Variants in NAALADL2 observed in about 807,000 individuals in gnomAD.
NAALADL2 encodes the protein N-acetylated alpha-linked acidic dipeptidase like 2.
NAALADL2 carries 76 observed loss-of-function variants against 87.2 expected under a neutral mutation model. That is an observed-to-expected ratio of 0.87 (90% confidence interval 0.72 to 1.05). The LOEUF (loss-of-function observed/expected upper bound fraction) is 1.05, where lower values mean the gene tolerates loss of function less well. Ranked by LOEUF, NAALADL2 falls within the 50% of genes least tolerant of loss-of-function variation. NAALADL2 has a pLI of 0.00. For synonymous variants in NAALADL2, 354 were observed against 331.0 expected (o/e 1.07, Z -0.75); for missense variants, 1,089 against 945.8 (o/e 1.15, Z -1.99).
At chr3:175,115,181 C>T (rs1351824981) in intron 2 of NAALADL2, 1 of 151,430 alleles carries the variant, frequency 6.6e-6, no homozygotes, top group Admixed American at 6.6e-5. Context: ...TTAAAATTAC[C>T]TCTGACTCCT....
chr3:175,617,406 A>G (rs917383117), intron 10 of NAALADL2, among the ~76,000 whole-genome samples: 7 of 152,046 alleles, frequency 4.6e-5, no homozygotes, highest in African/African-American at 1.7e-4. Flanking sequence ...GTATCTCGGG[A>G]ACAGTCCACC....
chr3:175,347,848 C>T (rs1439304539), intron 5 of NAALADL2, among the ~76,000 whole-genome samples: 1 of 152,076 alleles, frequency 6.6e-6, no homozygotes, highest in East Asian at 1.9e-4. Flanking sequence ...AACCTGTTAT[C>T]TACATTAGGT....
At chr3:174,851,693 A>G (rs1196818869) in intron 3 of NAALADL2, among the ~76,000 whole-genome samples, 1 of 152,216 alleles carries the variant, frequency 6.6e-6, no homozygotes, top group East Asian at 1.9e-4. Flanking sequence ...AAACTATTTC[A>G]GAAAATTTAG....
At chr3:175,294,468 T>C (rs1756057120) in intron 4 of NAALADL2, among the ~76,000 whole-genome samples, 1 of 152,150 alleles carries the variant, frequency 6.6e-6, no homozygotes, top group African/African-American at 2.4e-5. Flanking sequence ...ATTTACAGTG[T>C]CCTAAATATG....
At chr3:175,735,561 T>C (rs1744386449) in intron 11 of NAALADL2, among the ~76,000 whole-genome samples, 1 of 152,202 alleles carries the variant, frequency 6.6e-6, no homozygotes, top group Admixed American at 6.5e-5. Context: ...CTCACCATCA[T>C]TGCAGAATAC....
intron 5 of NAALADL2, among the ~76,000 whole-genome samples, chr3:175,412,891 T>TTTTTTATTATTATTATTA (rs776876343): frequency 3.3e-5 from 4 of 123,012 alleles, no homozygotes; most frequent in East Asian, 2.4e-4. Context: ...ATTTAATTTA[T>TTTTTTATTATTATTATTA]TTATTATTAT....
At chr3:175,202,923 C>T (rs1161456335) in intron 2 of NAALADL2, among the ~76,000 whole-genome samples, 5 of 152,018 alleles carry the variant, frequency 3.3e-5, no homozygotes, top group Non-Finnish European at 5.9e-5. Context: ...TAAGGCCTCA[C>T]CCAGCTCCCA....
intron 5 of NAALADL2, among the ~76,000 whole-genome samples, chr3:175,446,796 CA>C (rs1336078887): frequency 6.6e-6 from 1 of 152,126 alleles, no homozygotes; most frequent in Non-Finnish European, 1.5e-5. Context: ...TTCGGTGGTA[CA>C]AACAGCATTC....
rs150978474 is a variant in NAALADL2 at position 174,662,794 on chromosome 3, G to T, written c.-114-74847G>T. Among the ~76,000 whole-genome samples, 224 of 152,252 alleles carry T rather than the reference G, an allele frequency of 1.5e-3. 1 individual carries two copies. Among genetic ancestry groups the T allele is most frequent in the Non-Finnish European group, 1.7e-3 (113 of 68,016 alleles). On this transcript the variant is annotated intron_variant, in intron 2 of 3. Coordinates refer to the NAALADL2 transcript ENST00000434257. ...ACGGCCAATGCATATGGCTATGTTGGGTATGCTCTGTGCTACTATAACTGG... is the reference window on the plus strand; with the variant it reads ...ACGGCCAATGCATATGGCTATGTTGTGTATGCTCTGTGCTACTATAACTGG...
intron 2 of NAALADL2, among the ~76,000 whole-genome samples, chr3:175,199,631 T>A (rs1022590913): frequency 9.3e-5 from 14 of 151,158 alleles, no homozygotes; most frequent in African/African-American, 3.4e-4. Context: ...AGGGCTATGG[T>A]GCGTAGACTG....
intron 2 of NAALADL2, among the ~76,000 whole-genome samples, chr3:174,610,652 A>G (rs921624723): frequency 2.0e-5 from 3 of 152,226 alleles, no homozygotes; most frequent in East Asian, 1.9e-4. Context: ...CAATCATTAA[A>G]AAGTCAGGAA....
chr3:175,358,232 T>C (rs935432993), intron 5 of NAALADL2, among the ~76,000 whole-genome samples: 2 of 152,188 alleles, frequency 1.3e-5, no homozygotes, highest in Non-Finnish European at 2.9e-5. Flanking sequence ...AGGTTTTTTT[T>C]CCTAATTTTG....
intron 10 of NAALADL2, among the ~76,000 whole-genome samples, chr3:175,613,127 A>G (rs534217660): frequency 6.6e-6 from 1 of 152,282 alleles, no homozygotes; most frequent in African/African-American, 2.4e-5. Flanking sequence ...TAGTTATAGA[A>G]TCATCTCTTG....
chr3:175,783,496 G>T (rs1347743218), intron 13 of NAALADL2, among the ~76,000 whole-genome samples: 3 of 151,486 alleles, frequency 2.0e-5, no homozygotes, highest in African/African-American at 7.3e-5. Flanking sequence ...CTCATGATTT[G>T]GCTCTCTGTC....
intron 1 of NAALADL2, among the ~76,000 whole-genome samples, chr3:175,095,894 A>G (rs1721070467): frequency 1.3e-5 from 2 of 152,128 alleles, no homozygotes; most frequent in Non-Finnish European, 2.9e-5. Context: ...GGTTTACTGA[A>G]TACAGACTTA....
chr3:174,748,572 G>C (rs1184568207), intron 3 of NAALADL2, among the ~76,000 whole-genome samples: 1 of 152,134 alleles, frequency 6.6e-6, no homozygotes, highest in Non-Finnish European at 1.5e-5. Flanking sequence ...TGTTACAGTA[G>C]CACCAGGAGA....
intron 2 of NAALADL2, among the ~76,000 whole-genome samples, chr3:174,646,755 A>T (rs1374701611): frequency 4.6e-5 from 7 of 152,170 alleles, no homozygotes; most frequent in Non-Finnish European, 8.8e-5. Context: ...TATTTATTTT[A>T]TAGATGAGCT....
At chr3:175,514,554 C>T (rs1731592285) in intron 9 of NAALADL2, among the ~76,000 whole-genome samples, 1 of 152,160 alleles carries the variant, frequency 6.6e-6, no homozygotes, top group Admixed American at 6.6e-5. Flanking sequence ...TGATCTCGCT[C>T]CTTTACCTGT....
Position 175,809,541 on chromosome 3 carries a change from A to G in NAALADL2, c.*6338A>G, listed in dbSNP as rs536105634. On this transcript the variant is annotated 3_prime_UTR_variant, in exon 14 of 14. Transcript: ENST00000454872. ...AAAAAAAAAAAAAAAAAAAAAAAAG[A>G]AAAGAAAAAGTAGCTAGGCATGTTG... The G allele has an allele frequency of 6.1e-5, 9 of 148,634 alleles. No homozygotes were observed. The East Asian group carries it at 1.6e-3, about 26-fold the overall frequency. The allele number at this position is 148,634 out of a possible 1,614,324, so 9.2% of individuals were successfully genotyped here. A position where few individuals can be genotyped will look rare whatever the true frequency, so the allele number is the denominator to read the frequency against.
Sources: gnomAD v4.1 joint callset for allele counts (sites outside exome capture counted in the v4.1 genomes callset) on GRCh38, gnomAD v4.1.1 for gene constraint, MANE v1.5 for transcripts, NCBI Gene and HGNC (gene_info 2026-07-23, HGNC 2026-07-21) for gene names.